Variants in CTNNA2 observed in about 807,000 individuals in gnomAD.
CTNNA2 encodes the protein catenin alpha 2, also known as catenin alpha-2.
CTNNA2 carries 42 observed loss-of-function variants against 101.0 expected under a neutral mutation model. That is an observed-to-expected ratio of 0.42 (90% confidence interval 0.32 to 0.54). The LOEUF is 0.54. CTNNA2 is among the 20% of genes least tolerant of loss of function. CTNNA2 has a pLI of 0.14. For synonymous variants in CTNNA2, 450 were observed against 456.4 expected (o/e 0.99, Z 0.18); for missense variants, 871 against 1,223.1 (o/e 0.71, Z 4.29).
At chr2:80,600,238 A>G (rs920217340) in intron 15 of CTNNA2, among the ~76,000 whole-genome samples, 2 of 152,100 alleles carry the variant, frequency 1.3e-5, no homozygotes, top group South Asian at 2.1e-4. Flanking sequence ...ATCTAAATAT[A>G]AAAAGGAAAC....
intron 6 of CTNNA2, among the ~76,000 whole-genome samples, chr2:79,907,997 A>G (rs1685540186): frequency 6.6e-6 from 1 of 152,192 alleles, no homozygotes; most frequent in Non-Finnish European, 1.5e-5. Context: ...AGAGAATTGG[A>G]GCCCAGATAT....
chr2:80,517,958 G>C (rs1689231248), intron 9 of CTNNA2, among the ~76,000 whole-genome samples: 1 of 152,166 alleles, frequency 6.6e-6, no homozygotes, highest in South Asian at 2.1e-4. Context: ...CATCCCTAAA[G>C]TATGCTATTT....
intron 3 of CTNNA2, among the ~76,000 whole-genome samples, chr2:79,829,081 T>C (rs2105414299): frequency 6.6e-6 from 1 of 152,270 alleles, no homozygotes; most frequent in Non-Finnish European, 1.5e-5. Context: ...CAGTGTCTAC[T>C]TGAAGAATGA....
chr2:79,789,551 C>G (rs530264826), intron 3 of CTNNA2, among the ~76,000 whole-genome samples: 2 of 152,102 alleles, frequency 1.3e-5, no homozygotes, highest in East Asian at 3.9e-4. Context: ...AAAATGCATC[C>G]CTTGGGGACT....
At chr2:80,097,197 G>A (rs879848554) in intron 7 of CTNNA2, among the ~76,000 whole-genome samples, 22 of 152,082 alleles carry the variant, frequency 1.4e-4, no homozygotes, top group Admixed American at 3.9e-4. Context: ...TTTATGGCAG[G>A]CCTGGTGGTG....
intron 7 of CTNNA2, among the ~76,000 whole-genome samples, chr2:80,096,653 A>T (rs1346576361): frequency 1.3e-5 from 2 of 152,060 alleles, no homozygotes; most frequent in Admixed American, 6.6e-5. Flanking sequence ...GTCTCTTTGT[A>T]GGTCACTAAG....
chr2:80,118,248 C>A (rs1170878029), intron 7 of CTNNA2, among the ~76,000 whole-genome samples: 1 of 152,218 alleles, frequency 6.6e-6, no homozygotes, highest in Non-Finnish European at 1.5e-5. Flanking sequence ...GAAGTTGTAT[C>A]AGTCTATTCA....
chr2:80,396,387 T>C (rs555065299), intron 8 of CTNNA2, among the ~76,000 whole-genome samples: 39 of 152,254 alleles, frequency 2.6e-4, no homozygotes, highest in African/African-American at 8.9e-4. Flanking sequence ...GCTTTAAGCA[T>C]TGGGTTCTCA....
At chr2:79,202,447 A>T (rs1288114337) in intron 2 of CTNNA2, among the ~76,000 whole-genome samples, 3 of 151,928 alleles carry the variant, frequency 2.0e-5, no homozygotes, top group Admixed American at 6.6e-5. Flanking sequence ...AGTTCAAGTG[A>T]TCCTTCCACC....
chr2:80,589,500 C>T lies in CTNNA2; in HGVS notation c.2189+15C>T. 1 of 1,607,958 alleles carries T rather than the reference C, an allele frequency of 6.2e-7. No homozygotes were observed. The highest frequency in any genetic ancestry group is 8.5e-7 in the Non-Finnish European group (1 of 1,176,062). ...GACTTCACAAGGTGAGGCCCAGAGC[C>T]AGGGAGCTGAAGATTTTTTCATTAA... On this transcript the variant is annotated intron_variant, in intron 15 of 18. Coordinates refer to ENST00000402739, the MANE Select transcript of CTNNA2 (RefSeq NM_001282597.3).
At chr2:80,384,073 C>G (rs1267563592) in intron 7 of CTNNA2, among the ~76,000 whole-genome samples, 1 of 152,078 alleles carries the variant, frequency 6.6e-6, no homozygotes, top group African/African-American at 2.4e-5. Context: ...GAACAGACAA[C>G]CAAATATCAC....
At chr2:79,815,663 C>G (rs747373936) in intron 3 of CTNNA2, among the ~76,000 whole-genome samples, 2 of 152,100 alleles carry the variant, frequency 1.3e-5, no homozygotes, top group Non-Finnish European at 2.9e-5. Flanking sequence ...GTGACAATGG[C>G]CTTATAGTAT....
chr2:79,638,739 CAT>C (rs1270966339), intron 1 of CTNNA2, among the ~76,000 whole-genome samples: 2 of 152,198 alleles, frequency 1.3e-5, no homozygotes, highest in East Asian at 1.9e-4. Context: ...CTCACCAGCA[CAT>C]GTGTAGATTT....
intron 2 of CTNNA2, among the ~76,000 whole-genome samples, chr2:79,704,462 C>T (rs1685214053): frequency 1.3e-5 from 2 of 151,176 alleles, no homozygotes; most frequent in African/African-American, 2.4e-5. Flanking sequence ...CCTAGAGAAA[C>T]TGCAAAGCAC....
chr2:80,393,189 A>G lies in CTNNA2; in HGVS notation c.1057-22A>G, dbSNP rs755532184. 3 of 1,567,224 alleles carry G rather than the reference A, an allele frequency of 1.9e-6. No homozygotes were observed. In the South Asian group the frequency reaches 3.6e-5, roughly 19 times the overall value. On this transcript the variant is annotated intron_variant, in intron 7 of 18. Coordinates refer to ENST00000402739, the MANE Select transcript of CTNNA2 (RefSeq NM_001282597.3). ...TAACATTGAATATGCTAAATCAGAA[A>G]TTATTTCTCTTTTCTTAATAGACTG... is the stretch of plus-strand genomic sequence containing the variant.
chr2:80,398,873 A>C (rs1678293777), intron 8 of CTNNA2, among the ~76,000 whole-genome samples: 1 of 151,758 alleles, frequency 6.6e-6, no homozygotes, highest in Non-Finnish European at 1.5e-5. Context: ...TCTCAAAAAA[A>C]AAGAAAGAAA....
rs3067109 is a variant in CTNNA2, at chr2:80,073,730, T to TCACACACA, written c.1056+163967_1056+163974dup. 3.6e-3 allele frequency among the ~76,000 whole-genome samples: 474 copies of TCACACACA among 130,496 alleles called. 1 individual carries two copies. Among genetic ancestry groups the TCACACACA allele is most frequent in the Middle Eastern group, 0.012 (3 of 260 alleles). 85.6% of individuals were successfully genotyped at this position (130,496 alleles called of 152,430 possible). A position where few individuals can be genotyped will look rare whatever the true frequency, so the allele number is the denominator to read the frequency against. ...TAAAACAAACCTCTCTCTCTCTCTG[T>TCACACACA]CACACACACACACACACACACACAC... On this transcript the variant is annotated intron_variant, in intron 7 of 18. Coordinates refer to ENST00000402739, the MANE Select transcript of CTNNA2 (RefSeq NM_001282597.3).
chr2:79,218,387 T>G (rs1674297274), intron 2 of CTNNA2, among the ~76,000 whole-genome samples: 1 of 149,984 alleles, frequency 6.7e-6, no homozygotes, highest in Non-Finnish European at 1.5e-5. Flanking sequence ...CTTGCTACAT[T>G]GCCCAGGCTG....
At position 79,238,220 on chromosome 2, in the gene CTNNA2, C is replaced by T. The variant is rs541890183; in HGVS notation, c.-406+40144C>T. 3.9e-5 allele frequency among the ~76,000 whole-genome samples: 6 copies of T among 152,020 alleles called. 1 individual carries two copies. The highest frequency in any genetic ancestry group is 8.8e-5 in the Non-Finnish European group (6 of 68,014). ...TGTTGTGTCTTAGAGAATAGGGAGG[C>T]CAAAGGGGAGAGAGAGAGATGGGGG... On this transcript the variant is annotated intron_variant, in intron 2 of 21. Coordinates refer to the CTNNA2 transcript ENST00000466387.
Sources: gnomAD v4.1 joint callset for allele counts (sites outside exome capture counted in the v4.1 genomes callset) on GRCh38, gnomAD v4.1.1 for gene constraint, MANE v1.5 for transcripts, NCBI Gene and HGNC (gene_info 2026-07-23, HGNC 2026-07-21) for gene names.